The following TUBGCP6 variants were observed in gnomAD, a reference collection of about 807,000 sequenced individuals.
The protein encoded by TUBGCP6 is tubulin gamma complex component 6, also known as gamma-tubulin complex component 6.
TUBGCP6 carries 161 observed loss-of-function variants against 175.8 expected under a neutral mutation model. The ratio of observed to expected loss-of-function variants is 0.92; its 90% CI spans 0.81 to 1.04. The LOEUF is 1.04. TUBGCP6 is among the 50% of genes least tolerant of loss of function. The probability of loss-of-function intolerance (pLI) is 0.00; values close to 1 mark genes in which losing one functional copy is unlikely to be tolerated. For missense variants in TUBGCP6, 2,572 were observed against 2,433.0 expected, an observed-to-expected ratio of 1.06 and a Z score of -1.20; for synonymous variants, 1,173 against 1,030.5, an observed-to-expected ratio of 1.14 and a Z score of -2.65.
intron 3 of TUBGCP6, among the ~76,000 whole-genome samples, chr22:50,230,699 A>C (rs1407365464): frequency 6.6e-6 from 1 of 151,102 alleles, no homozygotes; most frequent in Admixed American, 6.6e-5. Context: ...GATCAATTTG[A>C]GCCTAGGAAG....
Position 50,227,575 on chromosome 22 carries a change from T to A in TUBGCP6, c.1412+332A>T, listed in dbSNP as rs548554767. On this transcript the variant is annotated intron_variant, in intron 5 of 24. Coordinates refer to ENST00000248846, the MANE Select transcript of TUBGCP6 (RefSeq NM_020461.4). Reference sequence around the variant, plus strand: ...CAGCTCCTCACTCTTCCTTCTCTGATGGCACCTGCCAATAGCCCCCGAGCC... The same window carrying A: ...CAGCTCCTCACTCTTCCTTCTCTGAAGGCACCTGCCAATAGCCCCCGAGCC... Among the ~76,000 whole-genome samples, 9 of 152,314 alleles carry A rather than the reference T, an allele frequency of 5.9e-5. 1 individual carries two copies. In the South Asian group the frequency reaches 1.9e-3, roughly 32 times the overall value.
At chr22:50,233,585 A>G in intron 2 of TUBGCP6, 59 bp from the exon 3 acceptor site, 1 of 1,497,028 alleles carries the variant, frequency 6.7e-7, no homozygotes, top group Non-Finnish European at 9.1e-7. Flanking sequence ...CCTCAGCACC[A>G]GGGTGCTTTC....
At chr22:50,226,216 C>T in intron 8 of TUBGCP6, 27 bp from the exon 9 acceptor site, 1 of 1,614,058 alleles carries the variant, frequency 6.2e-7, no homozygotes, top group East Asian at 2.2e-5. Context: ...ACCACGGTGG[C>T]CGGCATGGCC....
At chr22:50,219,838 C>T in intron 17 of TUBGCP6, 47 bp from the exon 18 acceptor site, 1 of 1,605,866 alleles carries the variant, frequency 6.2e-7, no homozygotes, top group Non-Finnish European at 8.5e-7. Flanking sequence ...GCACGCTGTC[C>T]CCACAACCAG....
Position 50,226,500 on chromosome 22 carries a change from G to A in TUBGCP6, c.1602-122C>T, listed in dbSNP as rs1293712244. The A allele has an allele frequency of 6.7e-6, 6 of 895,512 alleles. No individual in the cohort carries two copies. The African/African-American group carries it at 8.3e-5, about 12-fold the overall frequency. 55.5% of individuals were successfully genotyped at this position (895,512 alleles called of 1,614,324 possible). On this transcript the variant is annotated intron_variant, in intron 7 of 24. Transcript: ENST00000248846. ...GAGGGGCAAGTGGGGGCGTAGCTGTGAGAGGTGGAGTGGGGTGTGGCCATC... is the reference window on the plus strand; with the variant it reads ...GAGGGGCAAGTGGGGGCGTAGCTGTAAGAGGTGGAGTGGGGTGTGGCCATC...
Position 50,221,120 on chromosome 22 carries a change from T to G in TUBGCP6, c.3239A>C (p.His1080Pro), listed in dbSNP as rs1333887982. The change falls in exon 16 of 25, where the codon CAC becomes CCC. Residue 1080 changes from histidine (H) to proline (P), a missense_variant. Coordinates refer to ENST00000248846, the MANE Select transcript of TUBGCP6 (RefSeq NM_020461.4). ...GATGCTGGCATTGGATACGTGTCCG[T>G]GGGTGTTCCACCGTGGCTGGGTGGG... ...VAPTQPRWNTHGHVSNASISL... is the reference protein window; with the variant it reads ...VAPTQPRWNTPGHVSNASISL... 1 of 1,613,116 alleles carries G rather than the reference T, an allele frequency of 6.2e-7. No homozygotes were observed. The highest frequency in any genetic ancestry group is 8.5e-7 in the Non-Finnish European group (1 of 1,179,666).
intron 2 of TUBGCP6, among the ~76,000 whole-genome samples, chr22:50,234,370 C>A (rs1208508530): frequency 1.2e-5 from 1 of 80,620 alleles, no homozygotes; most frequent in Non-Finnish European, 2.5e-5. Context: ...AGCATCCACA[C>A]CCAGGTCCAC....
chr22:50,234,060 C>T lies in TUBGCP6; in HGVS notation c.906-534G>A, dbSNP rs143213093. Among the ~76,000 whole-genome samples the T allele has an allele frequency of 2.9e-3, 434 of 150,080 alleles. 1 individual carries two copies. The highest frequency in any genetic ancestry group is 4.8e-3 in the Non-Finnish European group (322 of 67,408). ...CAGGTCCACTGCAGCATCATCCACA[C>T]CCCCTGTCCATGGCAGCATCATCCA... On this transcript the variant is annotated intron_variant, in intron 2 of 24. Transcript: ENST00000248846.
chr22:50,226,390 G>A lies in TUBGCP6; in HGVS notation c.1602-12C>T, dbSNP rs776467377. On this transcript the variant is annotated splice_polypyrimidine_tract_variant and intron_variant, in intron 7 of 24. Coordinates refer to ENST00000248846, the MANE Select transcript of TUBGCP6 (RefSeq NM_020461.4). Reference sequence around the variant, plus strand: ...AGTCGTGGATGAACCTGCAGTGGGGGAAAAGCAGGGGTAGATGTGGTCAAC... The same window carrying A: ...AGTCGTGGATGAACCTGCAGTGGGGAAAAAGCAGGGGTAGATGTGGTCAAC... 18 of 1,592,498 alleles carry A rather than the reference G, an allele frequency of 1.1e-5. No individual in the cohort carries two copies. The Admixed American group carries it at 1.4e-4, about 13-fold the overall frequency.
At chr22:50,231,714 A>C (rs965803433) in intron 3 of TUBGCP6, among the ~76,000 whole-genome samples, 122 of 149,562 alleles carry the variant, frequency 8.2e-4, no homozygotes, top group African/African-American at 2.0e-3. Flanking sequence ...AAAAAATTAG[A>C]CGGGCGCGGT....
chr22:50,228,120 T>G, intron 4 of TUBGCP6, 92 bp from the exon 5 acceptor site: 1 of 1,383,218 alleles, frequency 7.2e-7, no homozygotes, highest in Non-Finnish European at 9.5e-7. Context: ...GAACAGCGCT[T>G]TGTTTCTTGC....
intron 20 of TUBGCP6, 65 bp downstream of exon 20, chr22:50,219,003 A>C: frequency 1.3e-6 from 2 of 1,599,892 alleles, no homozygotes; most frequent in Non-Finnish European, 1.7e-6. Context: ...GTGGGCGTGC[A>C]GCCAGTCTCT....
Position 50,217,806 on chromosome 22 carries a change from C to CCCCAAGT in TUBGCP6, c.5389_5390insACTTGGG (p.Arg1797HisfsTer36). On this transcript the variant is annotated frameshift_variant, in exon 25 of 25. Transcript: ENST00000248846. LOFTEE classifies it high-confidence loss of function. Reference sequence around the variant, plus strand: ...GTCCTCCAGGTGGGGCTGGTAGCCGCGGTTCACCAGCTTGGTCACCACTGG... The same window carrying CCCCAAGT: ...GTCCTCCAGGTGGGGCTGGTAGCCGCCCCAAGTGGTTCACCAGCTTGGTCACCACTGG... The CCCCAAGT allele has an allele frequency of 1.2e-6, 2 of 1,613,940 alleles. No individual in the cohort carries two copies. The highest frequency in any genetic ancestry group is 1.7e-6 in the Non-Finnish European group (2 of 1,180,014).
rs201821106 is a variant in TUBGCP6, at chr22:50,224,496, C to G, written c.2065+15G>C. ...CCCCCCGGAACTGCAGAAGGGAGGACTTGGGGCCACTCACCACTCAGTGCA... is the reference window on the plus strand; with the variant it reads ...CCCCCCGGAACTGCAGAAGGGAGGAGTTGGGGCCACTCACCACTCAGTGCA... On this transcript the variant is annotated intron_variant, in intron 11 of 24. Transcript: ENST00000248846. The G allele has an allele frequency of 2.5e-5, 40 of 1,614,194 alleles. No individual in the cohort carries two copies. The highest frequency in any genetic ancestry group is 3.4e-5 in the Non-Finnish European group (40 of 1,180,048).
In TUBGCP6 at chr22:50,221,415, G is replaced by T; in HGVS notation, c.2944C>A (p.Leu982Ile). 6.2e-7 allele frequency: 1 copy of T among 1,602,490 alleles called. No individual in the cohort carries two copies. The highest frequency in any genetic ancestry group is 1.1e-5 in the South Asian group (1 of 90,278). Reference sequence around the variant, plus strand: ...CCACAACTGTCCTCCCACAGCTGTAGCCCTGAGCTGCCCAAGCTGCACTCT... The same window carrying T: ...CCACAACTGTCCTCCCACAGCTGTATCCCTGAGCTGCCCAAGCTGCACTCT... ...AAECSLGSSG[L>I]QLWEDSCGKM... Residue 982 changes from leucine (L) to isoleucine (I), a missense_variant, in exon 16 of 25, where the codon CTA (leucine) becomes ATA (isoleucine). Physicochemically the swap from Leu to Ile is conservative, Grantham distance 5 (BLOSUM62 2). Transcript: ENST00000248846.
In TUBGCP6 at chr22:50,219,993, A is replaced by C. The variant is rs758107825; in HGVS notation, c.4131T>G (p.Thr1377=). The change falls in exon 17 of 25, where the codon ACT becomes ACG. Residue 1377 remains threonine (T), a synonymous_variant. Coordinates refer to ENST00000248846, the MANE Select transcript of TUBGCP6 (RefSeq NM_020461.4). ...EELGPGRSGD[T]EDLSPNWPLN... is the part of the protein sequence containing the mutation. ...GAGGCCAATTTGGAGAGAGGTCCTC[A>C]GTGTCCCCGCTCCTCCCAGGGCCTG... 6.2e-7 allele frequency: 1 copy of C among 1,613,952 alleles called. No individual in the cohort carries two copies. The highest frequency in any genetic ancestry group is 8.5e-7 in the Non-Finnish European group (1 of 1,179,946).
At chr22:50,241,953 T>A (rs993475445) in intron 1 of TUBGCP6, among the ~76,000 whole-genome samples, 7 of 124,780 alleles carry the variant, frequency 5.6e-5, no homozygotes, top group Non-Finnish European at 6.2e-5. Context: ...ACAGACCCTG[T>A]AGGGCTGGTC....
chr22:50,241,137 T>C (rs2064833824), intron 1 of TUBGCP6, among the ~76,000 whole-genome samples: 2 of 152,244 alleles, frequency 1.3e-5, no homozygotes, highest in African/African-American at 4.8e-5. Context: ...AATTGCTCTT[T>C]ATTCCAAGAT....
chr22:50,232,291 G>A (rs1372737741), intron 3 of TUBGCP6, among the ~76,000 whole-genome samples: 9 of 151,672 alleles, frequency 5.9e-5, no homozygotes, highest in Non-Finnish European at 1.2e-4. Flanking sequence ...GCTTGAACCC[G>A]GGAGGCAGAG....
Sources: allele counts gnomAD v4.1 joint callset (sites outside exome capture counted in the v4.1 genomes callset), GRCh38; gene constraint gnomAD v4.1.1; transcripts MANE v1.5; gene names NCBI Gene and HGNC (gene_info 2026-07-23, HGNC 2026-07-21).